DYNC1I2: variants seen among roughly 807,000 people sequenced by gnomAD.
DYNC1I2 encodes the protein dynein cytoplasmic 1 intermediate chain 2, also known as cytoplasmic dynein 1 intermediate chain 2.
In DYNC1I2, 53 loss-of-function variants were observed where a neutral mutation model predicts 88.6. That is an observed-to-expected ratio of 0.60 (90% CI 0.48 to 0.75). The LOEUF is 0.75. Ranked by LOEUF, DYNC1I2 falls within the 30% of genes least tolerant of loss-of-function variation. DYNC1I2 has a pLI of 0.00. For missense variants in DYNC1I2, 458 were observed against 766.6 expected (o/e 0.60, Z 4.75); for synonymous variants, 198 against 254.6 (o/e 0.78, Z 2.12).
At chr2:171,728,884 A>T in intron 14 of DYNC1I2, 34 bp downstream of exon 14, 1 of 1,581,794 alleles carries the variant, frequency 6.3e-7, no homozygotes, top group Non-Finnish European at 8.6e-7. Flanking sequence ...ATAATTTAAA[A>T]TTCCTCCTTT....
intron 15 of DYNC1I2, among the ~76,000 whole-genome samples, chr2:171,737,229 G>T (rs778925466): frequency 6.6e-6 from 1 of 151,970 alleles, no homozygotes; most frequent in Non-Finnish European, 1.5e-5. Context: ...GTTTGTGTCC[G>T]AATTTTTCTC....
intron 5 of DYNC1I2, among the ~76,000 whole-genome samples, chr2:171,708,304 C>T (rs1207739249): frequency 3.3e-5 from 5 of 151,428 alleles, no homozygotes; most frequent in Admixed American, 2.6e-4. Flanking sequence ...AGTTACAAAC[C>T]AGTAATAAAT....
In DYNC1I2 at chr2:171,745,782, T is replaced by C; in HGVS notation, c.1678-20T>C. ...CTTGATGAAACTTTTAACACTGTCC[T>C]TTATTTTAAATGACTTTAGGTACCA... On this transcript the variant is annotated intron_variant, in intron 16 of 17. Transcript: ENST00000397119. 6.2e-7 allele frequency: 1 copy of C among 1,611,016 alleles called. No homozygotes were observed. Among genetic ancestry groups the C allele is most frequent in the Middle Eastern group, 1.7e-4 (1 of 5,970 alleles).
Position 171,692,657 on chromosome 2 carries a change from G to C in DYNC1I2, c.109-120G>C, listed in dbSNP as rs1367857113. ...AATGACTATAAAAAGAACTTAACCT[G>C]TACTCAAAACTAAGTTCATGCCTTA... is the stretch of plus-strand genomic sequence containing the variant. On this transcript the variant is annotated intron_variant, in intron 2 of 17. Transcript: ENST00000397119. 4.8e-6 allele frequency: 3 copies of C among 621,238 alleles called. No homozygotes were observed. The East Asian group carries it at 8.6e-5, about 18-fold the overall frequency. 38.5% of individuals were successfully genotyped at this position (621,238 alleles called of 1,614,324 possible).
rs377311350 is a variant in DYNC1I2 at position 171,728,857 on chromosome 2, C to G, written c.1391+7C>G. The stretch of plus-strand genomic sequence containing the variant: ...CAGCATGCCGCCATGGCAGGTAAAC[C>G]TAAACTGGAATTTGCAATAATTTAA... On this transcript the variant is annotated splice_region_variant and intron_variant, in intron 14 of 17. Transcript: ENST00000397119. 1.2e-5 allele frequency: 20 copies of G among 1,600,042 alleles called. No individual in the cohort carries two copies. The highest frequency in any genetic ancestry group is 1.7e-5 in the Non-Finnish European group (20 of 1,175,214).
At position 171,748,041 on chromosome 2, in the gene DYNC1I2, C is replaced by T. The variant is rs1311365638; in HGVS notation, c.*152C>T. The T allele has an allele frequency of 2.0e-6, 1 of 506,116 alleles. No homozygotes were observed. Among genetic ancestry groups the T allele is most frequent in the Non-Finnish European group, 3.6e-6 (1 of 280,506 alleles). The allele number at this position is 506,116 out of a possible 1,614,324, so 31.4% of individuals were successfully genotyped here. On this transcript the variant is annotated 3_prime_UTR_variant, in exon 18 of 18. Transcript: ENST00000397119. ...TGCAGCAAGGAAACTTACAATGTCCCTTTATATATAACATGCATCTTGTTT... is the reference window on the plus strand; with the variant it reads ...TGCAGCAAGGAAACTTACAATGTCCTTTTATATATAACATGCATCTTGTTT...
chr2:171,744,002 T>C (rs1222148942), intron 15 of DYNC1I2, 47 bp from the exon 16 acceptor site: 1 of 1,482,674 alleles, frequency 6.7e-7, no homozygotes. Flanking sequence ...TTTAATGATT[T>C]GTATGTCATA....
chr2:171,689,977 T>C (rs1016924913), intron 1 of DYNC1I2, among the ~76,000 whole-genome samples, 170 bp from the exon 2 acceptor site: 1 of 149,552 alleles, frequency 6.7e-6, no homozygotes, highest in East Asian at 2.0e-4. Flanking sequence ...TCTCCCACTT[T>C]AGCCTCCCAA....
chr2:171,739,696 C>CTCTCTCTCTCTCTCTTTTTTTTTTT (rs1689267774), intron 15 of DYNC1I2, among the ~76,000 whole-genome samples: 5 of 65,038 alleles, frequency 7.7e-5, no homozygotes, highest in African/African-American at 2.9e-4. Flanking sequence ...TGACATATCT[C>CTCTCTCTCTCTCTCTTTTTTTTTTT]TTTTTTTTTT....
Position 171,745,806 on chromosome 2 carries a change from C to T in DYNC1I2, c.1682C>T (p.Pro561Leu), listed in dbSNP as rs770728550. ...LWNLNNDTEVPTASISVEGNP... is the reference protein window; with the variant it reads ...LWNLNNDTEVLTASISVEGNP... Reference sequence around the variant, plus strand: ...CTTTATTTTAAATGACTTTAGGTACCAACTGCCAGCATTTCTGTGGAGGGT... The same window carrying T: ...CTTTATTTTAAATGACTTTAGGTACTAACTGCCAGCATTTCTGTGGAGGGT... The change falls in exon 17 of 18, where the codon CCA (proline) becomes CTA (leucine). Residue 561 changes from proline to leucine, a missense_variant. By Grantham distance (98) the Pro-to-Leu change is moderately conservative. This residue lies in a region of DYNC1I2 where 188 missense variants were observed against 300.4 expected (regional missense o/e 0.63). Coordinates refer to ENST00000397119, the MANE Select transcript of DYNC1I2 (RefSeq NM_001378.3). The T allele has an allele frequency of 1.2e-6, 2 of 1,612,688 alleles. No individual in the cohort carries two copies. Among genetic ancestry groups the T allele is most frequent in the South Asian group, 2.2e-5 (2 of 90,852 alleles).
At chr2:171,689,680 A>G (rs1251892342) in intron 1 of DYNC1I2, among the ~76,000 whole-genome samples, 1 of 151,754 alleles carries the variant, frequency 6.6e-6, no homozygotes, top group East Asian at 1.9e-4. Context: ...ACATTTTTTA[A>G]GTCTTAGTAA....
In DYNC1I2 at chr2:171,749,816, C is replaced by T. The variant is rs999145595; in HGVS notation, c.*1927C>T. On this transcript the variant is annotated 3_prime_UTR_variant, in exon 18 of 18. Transcript: ENST00000397119. ...ACACAAATTTACTTTAAGGAATTACCTTTAAAGTTGACTATATAATAGCAA... is the reference window on the plus strand; with the variant it reads ...ACACAAATTTACTTTAAGGAATTACTTTTAAAGTTGACTATATAATAGCAA... Among the ~76,000 whole-genome samples the T allele has an allele frequency of 7.2e-5, 11 of 152,000 alleles. No individual in the cohort carries two copies. Among genetic ancestry groups the T allele is most frequent in the Admixed American group, 5.2e-4 (8 of 15,246 alleles).
At position 171,741,942 on chromosome 2, in the gene DYNC1I2, C is replaced by G. The variant is rs1689457783; in HGVS notation, c.1537-2107C>G. Among the ~76,000 whole-genome samples, 4 of 151,952 alleles carry G rather than the reference C, an allele frequency of 2.6e-5. No homozygotes were observed. The South Asian group carries it at 8.3e-4, about 32-fold the overall frequency. On this transcript the variant is annotated intron_variant, in intron 15 of 17. Coordinates refer to ENST00000397119, the MANE Select transcript of DYNC1I2 (RefSeq NM_001378.3). ...ACTAAAAATACAAAAATTAGCTGAGCATGGTGGTGCACGCCTGTAATCCCA... is the reference window on the plus strand; with the variant it reads ...ACTAAAAATACAAAAATTAGCTGAGGATGGTGGTGCACGCCTGTAATCCCA...
rs182227999 is a variant in DYNC1I2, at chr2:171,738,057, C to T, written c.1537-5992C>T. Among the ~76,000 whole-genome samples, 219 of 152,032 alleles carry T rather than the reference C, an allele frequency of 1.4e-3. 1 individual carries two copies. The South Asian group carries it at 0.017, about 12-fold the overall frequency. On this transcript the variant is annotated intron_variant, in intron 15 of 17. Coordinates refer to ENST00000397119, the MANE Select transcript of DYNC1I2 (RefSeq NM_001378.3). ...ATAGAGTAGAAAATACTCAGCCAGG[C>T]GCAGTAGCTAACGACTGTAATTCCA...
At chr2:171,733,459 C>CTTTTTTTTTTTTTT (rs61079902) in intron 15 of DYNC1I2, among the ~76,000 whole-genome samples, 12 of 55,772 alleles carry the variant, frequency 2.2e-4, no homozygotes, top group Admixed American at 3.0e-4. Flanking sequence ...TTGCCAGCAT[C>CTTTTTTTTTTTTTT]TTTTTTTTTT....
intron 17 of DYNC1I2, among the ~76,000 whole-genome samples, chr2:171,746,507 C>G (rs1689790585): frequency 6.6e-6 from 1 of 152,114 alleles, no homozygotes; most frequent in Non-Finnish European, 1.5e-5. Flanking sequence ...AAAAAAGTGA[C>G]CTTAGTCACT....
At chr2:171,726,360 T>C in intron 10 of DYNC1I2, 67 bp downstream of exon 10, 1 of 1,117,978 alleles carries the variant, frequency 8.9e-7, no homozygotes, top group South Asian at 1.5e-5. Context: ...GTCATTTTAT[T>C]TTAATTATGG....
At position 171,727,845 on chromosome 2, in the gene DYNC1I2, G is replaced by A. The variant is rs778008252; in HGVS notation, c.1021G>A (p.Ala341Thr). ...CQSAVMSATF[A>T]KFHPNLVVGG... ...GTCAGCTGTGATGTCTGCCACATTT[G>A]CAAAATTTCATCCAAATCTTGTTGT... Residue 341 changes from alanine to threonine, a missense_variant, in exon 12 of 18, where the codon GCA becomes ACA. Physicochemically the swap from Ala to Thr is moderately conservative, Grantham distance 58. Around this residue, in one of 5 missense-constraint regions of DYNC1I2, gnomAD observed 203 missense variants for 354.2 expected, o/e 0.57. Coordinates refer to ENST00000397119, the MANE Select transcript of DYNC1I2 (RefSeq NM_001378.3). 3 of 1,612,856 alleles carry A rather than the reference G, an allele frequency of 1.9e-6. No individual in the cohort carries two copies. Among genetic ancestry groups the A allele is most frequent in the Admixed American group, 3.3e-5 (2 of 59,922 alleles).
intron 15 of DYNC1I2, among the ~76,000 whole-genome samples, chr2:171,739,696 C>CTCTCTCTCTCTCTTTTTTTTTT (rs1689267774): frequency 3.1e-5 from 2 of 65,090 alleles, no homozygotes; most frequent in African/African-American, 1.1e-4. Context: ...TGACATATCT[C>CTCTCTCTCTCTCTTTTTTTTTT]TTTTTTTTTT....
Sources: allele counts gnomAD v4.1 joint callset (sites outside exome capture counted in the v4.1 genomes callset), GRCh38; gene constraint gnomAD v4.1.1; regional missense constraint gnomAD v4.1.1; transcripts MANE v1.5; gene names NCBI Gene and HGNC (gene_info 2026-07-23, HGNC 2026-07-21).